Variants in TANK observed in about 807,000 individuals in gnomAD.
TANK encodes the protein TRAF family member-associated NF-kappa-B activator.
TANK carries 15 observed loss-of-function variants against 43.6 expected under a neutral mutation model. That is an observed-to-expected ratio of 0.34 (90% CI 0.23 to 0.53). The LOEUF is 0.53. Among genes scored for constraint, TANK ranks in the 20% least tolerant of loss-of-function variants. The pLI is 0.94. For missense variants in TANK, 417 were observed against 498.6 expected, an observed-to-expected ratio of 0.84 and a Z score of 1.56; for synonymous variants, 162 against 178.2, an observed-to-expected ratio of 0.91 and a Z score of 0.73.
At chr2:161,191,943 A>T (rs1419209662) in intron 2 of TANK, among the ~76,000 whole-genome samples, 1 of 151,696 alleles carries the variant, frequency 6.6e-6, no homozygotes, top group African/African-American at 2.4e-5. Context: ...GCCCACCACC[A>T]CGCCCAGCTA....
intron 1 of TANK, among the ~76,000 whole-genome samples, chr2:161,173,409 G>A (rs1033143905): frequency 6.6e-6 from 1 of 151,968 alleles, no homozygotes; most frequent in Non-Finnish European, 1.5e-5. Flanking sequence ...CTCATCTTTC[G>A]GGACTCTGTT....
intron 1 of TANK, among the ~76,000 whole-genome samples, chr2:161,149,424 C>T (rs1235964175): frequency 1.3e-5 from 2 of 152,170 alleles, no homozygotes; most frequent in African/African-American, 4.8e-5. Flanking sequence ...ATAATATCAT[C>T]TAAGGATAGA....
chr2:161,157,875 G>T (rs1005479712), upstream of TANK, among the ~76,000 whole-genome samples: 2 of 152,100 alleles, frequency 1.3e-5, no homozygotes, highest in African/African-American at 2.4e-5. Flanking sequence ...GCAGAAACGG[G>T]TTTTCACCAT....
intron 1 of TANK, among the ~76,000 whole-genome samples, chr2:161,172,661 G>C (rs926250457): frequency 3.9e-5 from 6 of 152,062 alleles, no homozygotes; most frequent in African/African-American, 1.4e-4. Context: ...TTGAAAACCA[G>C]TGGCTGGTGA....
chr2:161,223,878 T>G (rs1453534130), intron 4 of TANK, 37 bp from the exon 5 acceptor site: 2 of 1,387,868 alleles, frequency 1.4e-6, no homozygotes, highest in Non-Finnish European at 2.0e-6. Flanking sequence ...TTGGGAGCAA[T>G]TTAAAGTAGT....
At position 161,231,088 on chromosome 2, in the gene TANK, C is replaced by T; in HGVS notation, c.638C>T (p.Thr213Ile). The change falls in exon 7 of 8, where the codon ACA becomes ATA. Residue 213 changes from threonine to isoleucine, a missense_variant. By Grantham distance (89) the Thr-to-Ile change is moderately conservative. Transcript: ENST00000392749. The stretch of plus-strand genomic sequence containing the variant: ...GGTGCACCATCCATCACATCTGTCA[C>T]ACCAAGAGGACTGTGCAGAGATGAG... ...NRGAPSITSV[T>I]PRGLCRDEED... The T allele has an allele frequency of 6.2e-7, 1 of 1,614,130 alleles. No homozygotes were observed. Among genetic ancestry groups the T allele is most frequent in the Non-Finnish European group, 8.5e-7 (1 of 1,180,012 alleles).
intron 2 of TANK, among the ~76,000 whole-genome samples, chr2:161,191,773 ACTAC>A (rs1484259558): frequency 6.6e-6 from 1 of 152,080 alleles, no homozygotes; most frequent in Non-Finnish European, 1.5e-5. Context: ...AATACCTTGT[ACTAC>A]CCTTCCTTCT....
At chr2:161,228,410 A>C (rs569482378) in intron 6 of TANK, among the ~76,000 whole-genome samples, 45 of 152,310 alleles carry the variant, frequency 3.0e-4, no homozygotes, top group African/African-American at 9.6e-4. Context: ...GCATGCCCGT[A>C]ATCCCAGCTA....
intron 4 of TANK, among the ~76,000 whole-genome samples, chr2:161,208,357 A>G (rs1319462649): frequency 6.6e-6 from 1 of 152,202 alleles, no homozygotes; most frequent in Non-Finnish European, 1.5e-5. Context: ...CTAAAGGGAC[A>G]GAAAGAGGTA....
chr2:161,172,173 A>G (rs1466119124), intron 1 of TANK, among the ~76,000 whole-genome samples: 2 of 152,150 alleles, frequency 1.3e-5, no homozygotes, highest in Non-Finnish European at 2.9e-5. Context: ...AATGTCATAC[A>G]CTATTTTATG....
intron 6 of TANK, among the ~76,000 whole-genome samples, chr2:161,230,011 T>C (rs1414799655): frequency 6.6e-6 from 1 of 152,218 alleles, no homozygotes; most frequent in Non-Finnish European, 1.5e-5. Flanking sequence ...TTATATCAGC[T>C]TCTTTGTCTT....
At chr2:161,160,586 C>T (rs183835281) in intron 1 of TANK, 100 bp downstream of exon 1, 2 of 996,056 alleles carry the variant, frequency 2.0e-6, no homozygotes, top group Non-Finnish European at 1.4e-6. Context: ...ACAGTAGGGG[C>T]GCCGCAGGGA....
At chr2:161,230,864 AT>A in intron 6 of TANK, 106 bp from the exon 7 acceptor site, 2 of 890,722 alleles carry the variant, frequency 2.2e-6, no homozygotes, top group South Asian at 3.4e-5. Context: ...TTCATTTGCT[AT>A]AAAAACCAAT....
intron 2 of TANK, among the ~76,000 whole-genome samples, chr2:161,188,290 C>G (rs994305509): frequency 6.6e-6 from 1 of 151,866 alleles, no homozygotes; most frequent in African/African-American, 2.4e-5. Flanking sequence ...TGTGACAAAC[C>G]TTTAGTTAGC....
At chr2:161,138,562 T>A (rs1035347958) in intron 1 of TANK, among the ~76,000 whole-genome samples, 2 of 152,180 alleles carry the variant, frequency 1.3e-5, no homozygotes, top group Non-Finnish European at 2.9e-5. Context: ...CCCTCCAGGA[T>A]ACACTTCCAC....
intron 4 of TANK, among the ~76,000 whole-genome samples, chr2:161,222,426 TCTC>T (rs1395980218): frequency 6.6e-6 from 1 of 152,108 alleles, no homozygotes; most frequent in Admixed American, 6.6e-5. Flanking sequence ...ATATACCTCT[TCTC>T]TGATTTTGTT....
At chr2:161,232,904 T>C in intron 7 of TANK, 2 of 1,487,818 alleles carry the variant, frequency 1.3e-6, no homozygotes, top group African/African-American at 2.8e-5. Context: ...TAAGGTTAGA[T>C]AATTGATATT....
rs575406853 is a variant in TANK at position 161,208,755 on chromosome 2, A to G, written c.327+3962A>G. Among the ~76,000 whole-genome samples, 4 of 152,298 alleles carry G rather than the reference A, an allele frequency of 2.6e-5. No individual in the cohort carries two copies. In the South Asian group the frequency reaches 6.2e-4, roughly 24 times the overall value. On this transcript the variant is annotated intron_variant, in intron 4 of 7. Coordinates refer to ENST00000392749, the MANE Select transcript of TANK (RefSeq NM_001199135.3). Reference sequence around the variant, plus strand: ...TTTCCATATGAGCCTCTCTGCACAAACTGATAGCTAACTTCACTCAAAGTA... The same window carrying G: ...TTTCCATATGAGCCTCTCTGCACAAGCTGATAGCTAACTTCACTCAAAGTA...
chr2:161,179,531 T>C (rs1391088989), intron 1 of TANK, 83 bp from the exon 2 acceptor site: 3 of 1,275,366 alleles, frequency 2.4e-6, no homozygotes, highest in Non-Finnish European at 3.2e-6. Context: ...TGGTAAACCT[T>C]ATAGAACTAT....
Sources: gnomAD v4.1 joint callset for allele counts (sites outside exome capture counted in the v4.1 genomes callset) on GRCh38, gnomAD v4.1.1 for gene constraint, MANE v1.5 for transcripts, NCBI Gene and HGNC (gene_info 2026-07-23, HGNC 2026-07-21) for gene names.